LAMA2: variants seen among roughly 807,000 people sequenced by gnomAD.
LAMA2 encodes laminin subunit alpha 2.
A neutral mutation model predicts 364.8 loss-of-function variants in LAMA2; 269 were observed. The ratio of observed to expected loss-of-function variants is 0.74; its 90% CI spans 0.67 to 0.82. The LOEUF (loss-of-function observed/expected upper bound fraction) is 0.82, where lower values mean the gene tolerates loss of function less well. Ranked by LOEUF, LAMA2 falls within the 40% of genes least tolerant of loss-of-function variation. The probability of loss-of-function intolerance (pLI) is 0.00; values close to 1 mark genes in which losing one functional copy is unlikely to be tolerated. For missense variants in LAMA2, 3,807 were observed against 3,873.2 expected, an observed-to-expected ratio of 0.98 and a Z score of 0.45; for synonymous variants, 1,379 against 1,370.6, an observed-to-expected ratio of 1.01 and a Z score of -0.14.
At chr6:128,917,738 T>TTTTG (rs1778430948) in intron 1 of LAMA2, among the ~76,000 whole-genome samples, 1 of 23,082 alleles carries the variant, frequency 4.3e-5, no homozygotes, top group African/African-American at 1.0e-4. Flanking sequence ...TTCTTTCTTT[T>TTTTG]TTTTTTTTTT....
intron 1 of LAMA2, among the ~76,000 whole-genome samples, chr6:129,017,772 A>C (rs1785170694): frequency 6.6e-6 from 1 of 152,080 alleles, no homozygotes; most frequent in Admixed American, 6.6e-5. Flanking sequence ...TTCTAACGCC[A>C]TTATTTCATT....
chr6:129,393,475 T>G (rs1199665556), intron 37 of LAMA2, among the ~76,000 whole-genome samples: 1 of 152,182 alleles, frequency 6.6e-6, no homozygotes, highest in African/African-American at 2.4e-5. Flanking sequence ...CAAATAAAAT[T>G]TTGATAAATT....
chr6:129,491,995 G>T lies in LAMA2; in HGVS notation c.7993G>T (p.Ala2665Ser), dbSNP rs751528737. The T allele has an allele frequency of 1.2e-6, 2 of 1,613,826 alleles. No individual in the cohort carries two copies. Among genetic ancestry groups the T allele is most frequent in the East Asian group, 4.5e-5 (2 of 44,864 alleles). The change falls in exon 57 of 65, where the codon GCT becomes TCT. Residue 2665 changes from alanine to serine, a missense_variant. Physicochemically the swap from Ala to Ser is moderately conservative, Grantham distance 99. This residue lies in a region of LAMA2 where 3,333 missense variants were observed against 3,345.7 expected (regional missense o/e 1.00). Coordinates refer to ENST00000421865, the MANE Select transcript of LAMA2 (RefSeq NM_000426.4). ...AGTTAAAAAGCTTTTCGTTGGGGGTGCTCCACCTGAATTTCAACCTTCCCC... is the reference window on the plus strand; with the variant it reads ...AGTTAAAAAGCTTTTCGTTGGGGGTTCTCCACCTGAATTTCAACCTTCCCC... ...IEVKKLFVGG[A>S]PPEFQPSPLR...
Position 129,512,504 on chromosome 6 carries a change from G to A in LAMA2, c.8988+11G>A. The A allele has an allele frequency of 6.2e-7, 1 of 1,613,148 alleles. No individual in the cohort carries two copies. The highest frequency in any genetic ancestry group is 8.5e-7 in the Non-Finnish European group (1 of 1,179,182). ...ATGATTGATGAAAAGGTGAGTGTCAGCAATGCAAACATTTCTGATTTCTTC... is the reference window on the plus strand; with the variant it reads ...ATGATTGATGAAAAGGTGAGTGTCAACAATGCAAACATTTCTGATTTCTTC... On this transcript the variant is annotated intron_variant, in intron 63 of 64. Coordinates refer to ENST00000421865, the MANE Select transcript of LAMA2 (RefSeq NM_000426.4).
chr6:129,004,999 A>G (rs1373196955), intron 1 of LAMA2, among the ~76,000 whole-genome samples: 2 of 152,254 alleles, frequency 1.3e-5, no homozygotes, highest in East Asian at 3.9e-4. Flanking sequence ...CAAAACTTTT[A>G]TAACACATCT....
intron 4 of LAMA2, among the ~76,000 whole-genome samples, chr6:129,141,152 A>T (rs181887961): frequency 6.6e-6 from 1 of 152,008 alleles, no homozygotes; most frequent in Admixed American, 6.6e-5. Context: ...AGAGAATTTG[A>T]TAGAAATGTA....
At chr6:129,237,695 T>C (rs1238668311) in intron 12 of LAMA2, among the ~76,000 whole-genome samples, 1 of 152,146 alleles carries the variant, frequency 6.6e-6, no homozygotes, top group East Asian at 1.9e-4. Flanking sequence ...AAGGTGAAAC[T>C]GCTATGTCAA....
intron 32 of LAMA2, among the ~76,000 whole-genome samples, chr6:129,354,679 T>C (rs1490493181): frequency 6.6e-6 from 1 of 152,144 alleles, no homozygotes; most frequent in Non-Finnish European, 1.5e-5. Context: ...AAAAAGATCA[T>C]ATTAATGTTA....
chr6:129,051,477 AT>A (rs1316585452), intron 2 of LAMA2, among the ~76,000 whole-genome samples: 2 of 149,238 alleles, frequency 1.3e-5, no homozygotes, highest in Non-Finnish European at 3.0e-5. Flanking sequence ...ATGCCTGGCT[AT>A]TTTTTGTATT....
At chr6:129,384,972 T>G (rs1378274747) in intron 35 of LAMA2, among the ~76,000 whole-genome samples, 2 of 145,706 alleles carry the variant, frequency 1.4e-5, no homozygotes, top group Admixed American at 1.4e-4. Flanking sequence ...AAATTTAAAT[T>G]GTACCAGAGC....
At position 129,158,962 on chromosome 6, in the gene LAMA2, C is replaced by T. The variant is rs1779296304; in HGVS notation, c.1206+4279C>T. On this transcript the variant is annotated intron_variant, in intron 8 of 64. Coordinates refer to ENST00000421865, the MANE Select transcript of LAMA2 (RefSeq NM_000426.4). ...AGCACTTGAAAAAAGGCAAGGTATC[C>T]TCTGGTGCTAAGGTTACTCCATTTT... 8 of 1,589,680 alleles carry T rather than the reference C, an allele frequency of 5.0e-6. No individual in the cohort carries two copies. The Admixed American group carries it at 1.2e-4, about 23-fold the overall frequency.
intron 34 of LAMA2, among the ~76,000 whole-genome samples, chr6:129,382,402 T>C (rs546001998): frequency 2.6e-5 from 4 of 152,220 alleles, no homozygotes; most frequent in Non-Finnish European, 5.9e-5. Flanking sequence ...GTGTGTCAAA[T>C]GATATTTTAA....
At chr6:129,111,662 T>G (rs1187839237) in intron 4 of LAMA2, among the ~76,000 whole-genome samples, 2 of 151,978 alleles carry the variant, frequency 1.3e-5, no homozygotes, top group African/African-American at 4.8e-5. Flanking sequence ...CACACAGTAT[T>G]TTAGCAAAAG....
intron 22 of LAMA2, among the ~76,000 whole-genome samples, chr6:129,302,142 A>G (rs1471500466): frequency 6.6e-6 from 1 of 152,126 alleles, no homozygotes; most frequent in Admixed American, 6.5e-5. Context: ...TTATGGACAA[A>G]TGTTTTCTCT....
intron 52 of LAMA2, among the ~76,000 whole-genome samples, chr6:129,474,745 G>T (rs532188197): frequency 3.7e-4 from 56 of 152,268 alleles, no homozygotes; most frequent in African/African-American, 1.3e-3. Flanking sequence ...CTATAAAGGT[G>T]TGCCTGTTAA....
chr6:129,126,901 C>T (rs1777150746), intron 4 of LAMA2, among the ~76,000 whole-genome samples: 1 of 151,880 alleles, frequency 6.6e-6, no homozygotes, highest in South Asian at 2.1e-4. Flanking sequence ...TGAAACGCCA[C>T]CAGAAAAAAT....
chr6:129,165,923 C>G (rs1371457146), intron 9 of LAMA2, among the ~76,000 whole-genome samples: 1 of 151,268 alleles, frequency 6.6e-6, no homozygotes, highest in African/African-American at 2.5e-5. Flanking sequence ...TACACACACA[C>G]ACATACACAG....
At chr6:129,055,330 T>C (rs1483411614) in intron 2 of LAMA2, among the ~76,000 whole-genome samples, 1 of 151,774 alleles carries the variant, frequency 6.6e-6, no homozygotes, top group Non-Finnish European at 1.5e-5. Context: ...TAGCTGGGAC[T>C]ACACGCGTGT....
chr6:129,166,991 C>A (rs1779783073), intron 9 of LAMA2, among the ~76,000 whole-genome samples: 10 of 152,034 alleles, frequency 6.6e-5, no homozygotes, highest in Admixed American at 6.6e-4. Context: ...TTAACCAATC[C>A]TTTAATAATA....
Sources: gnomAD v4.1 joint callset for allele counts (sites outside exome capture counted in the v4.1 genomes callset) on GRCh38, gnomAD v4.1.1 for gene constraint, gnomAD v4.1.1 regional missense constraint, MANE v1.5 for transcripts, NCBI Gene and HGNC (gene_info 2026-07-23, HGNC 2026-07-21) for gene names.